The following RBMS2 variants were observed in gnomAD, a reference collection of about 807,000 sequenced individuals.
The protein encoded by RBMS2 is RNA-binding motif, single-stranded-interacting protein 2.
In RBMS2, 38 loss-of-function variants were observed where a neutral mutation model predicts 58.4. The observed-to-expected ratio is 0.65, with a 90% CI of 0.50 to 0.85. RBMS2 has a LOEUF of 0.85. Among genes scored for constraint, RBMS2 ranks in the 40% least tolerant of loss-of-function variants. RBMS2 has a pLI of 0.00. For missense variants in RBMS2, 367 were observed against 503.7 expected (o/e 0.73, Z 2.60); for synonymous variants, 151 against 180.7 (o/e 0.84, Z 1.32).
At chr12:56,523,099 A>G (rs1157157752) in intron 1 of RBMS2, among the ~76,000 whole-genome samples, 1 of 152,214 alleles carries the variant, frequency 6.6e-6, no homozygotes, top group Non-Finnish European at 1.5e-5. Flanking sequence ...TGATCAATGC[A>G]GTGGGTAAAT....
At chr12:56,574,680 GT>G (rs1250292163) in intron 5 of RBMS2, among the ~76,000 whole-genome samples, 1 of 152,052 alleles carries the variant, frequency 6.6e-6, no homozygotes, top group African/African-American at 2.4e-5. Flanking sequence ...TCTCTTATAT[GT>G]TTCTATGTTA....
In RBMS2 at chr12:56,589,988, T is replaced by G. The variant is rs924678326; in HGVS notation, c.*855T>G. The G allele has an allele frequency of 3.5e-4, 54 of 152,168 alleles. No homozygotes were observed. The highest frequency in any genetic ancestry group is 1.3e-3 in the African/African-American group (53 of 41,408). The allele number at this position is 152,168 out of a possible 1,614,324, so 9.4% of individuals were successfully genotyped here. On this transcript the variant is annotated 3_prime_UTR_variant, in exon 14 of 14. Coordinates refer to ENST00000262031, the MANE Select transcript of RBMS2 (RefSeq NM_002898.4). ...ACTTTGGCTTCAGAAAGCACAGATG[T>G]GACCCAGGCTTACTAAAGAGACAAC...
At chr12:56,532,542 C>CA (rs988357992) in intron 1 of RBMS2, among the ~76,000 whole-genome samples, 23 of 140,010 alleles carry the variant, frequency 1.6e-4, no homozygotes, top group South Asian at 9.1e-4. Flanking sequence ...AACTCTGTCT[C>CA]AAAAAAAAAA....
At chr12:56,568,687 G>A (rs1203314984) in intron 2 of RBMS2, among the ~76,000 whole-genome samples, 4 of 151,586 alleles carry the variant, frequency 2.6e-5, no homozygotes, top group African/African-American at 9.7e-5. Flanking sequence ...CTGGCGTGAC[G>A]CCCAGCTAAT....
At chr12:56,568,539 CTTT>C (rs1257717979) in intron 2 of RBMS2, among the ~76,000 whole-genome samples, 1 of 136,064 alleles carries the variant, frequency 7.3e-6, no homozygotes. Context: ...TCTTTTTTTT[CTTT>C]TTTTTTTTTT....
intron 1 of RBMS2, among the ~76,000 whole-genome samples, chr12:56,523,878 G>A (rs1337566373): frequency 1.3e-5 from 2 of 151,988 alleles, no homozygotes; most frequent in African/African-American, 2.4e-5. Flanking sequence ...TATATTATAC[G>A]TATATATTTG....
intron 5 of RBMS2, among the ~76,000 whole-genome samples, chr12:56,573,500 A>AAG (rs1882662368): frequency 4.8e-5 from 7 of 144,840 alleles, no homozygotes; most frequent in Non-Finnish European, 9.1e-5. Flanking sequence ...AAAAAAAAAA[A>AAG]AAGAAGAAGA....
At chr12:56,522,287 A>G (rs1256555634) in intron 1 of RBMS2, among the ~76,000 whole-genome samples, 198 bp downstream of exon 1, 4 of 151,968 alleles carry the variant, frequency 2.6e-5, no homozygotes, top group Non-Finnish European at 5.9e-5. Context: ...GGGAACTTTC[A>G]GTCTCTGCGA....
chr12:56,547,656 T>C (rs941764445), intron 1 of RBMS2, among the ~76,000 whole-genome samples: 1 of 150,792 alleles, frequency 6.6e-6, no homozygotes, highest in Non-Finnish European at 1.5e-5. Context: ...TCTTTTCTTT[T>C]TTTTTTTTTT....
Position 56,588,919 on chromosome 12 carries a change from G to A in RBMS2, c.1144-13G>A. The A allele has an allele frequency of 6.2e-7, 1 of 1,613,568 alleles. No homozygotes were observed. The highest frequency in any genetic ancestry group is 8.5e-7 in the Non-Finnish European group (1 of 1,179,532). ...AATGCGCAAGATGACCCCCCTCCTT[G>A]GCTATGGCACAGGAGAGCAGCGGCC... On this transcript the variant is annotated splice_polypyrimidine_tract_variant and intron_variant, in intron 12 of 13. Transcript: ENST00000262031.
At chr12:56,532,450 G>C (rs1290476732) in intron 1 of RBMS2, among the ~76,000 whole-genome samples, 10 of 151,676 alleles carry the variant, frequency 6.6e-5, no homozygotes, top group Non-Finnish European at 1.5e-4. Flanking sequence ...GCTGAGGCAG[G>C]AGAATTGCTT....
chr12:56,525,818 C>T (rs1251623878), intron 1 of RBMS2, among the ~76,000 whole-genome samples: 3 of 151,756 alleles, frequency 2.0e-5, no homozygotes, highest in African/African-American at 7.3e-5. Flanking sequence ...CCCACCACCA[C>T]GCCTGGCTAA....
chr12:56,536,592 G>A (rs1874904478), intron 1 of RBMS2, among the ~76,000 whole-genome samples: 1 of 148,738 alleles, frequency 6.7e-6, no homozygotes. Context: ...GTTTGAGATG[G>A]AGTCTCACTC....
chr12:56,547,740 C>T (rs1298006085), intron 1 of RBMS2, among the ~76,000 whole-genome samples: 1 of 151,528 alleles, frequency 6.6e-6, no homozygotes, highest in Non-Finnish European at 1.5e-5. Flanking sequence ...CCTCTGCCTC[C>T]CAGGTTCAAG....
chr12:56,565,710 G>A (rs1239762394), intron 2 of RBMS2, among the ~76,000 whole-genome samples: 2 of 152,154 alleles, frequency 1.3e-5, no homozygotes, highest in Non-Finnish European at 2.9e-5. Flanking sequence ...GCCTTTCTAG[G>A]AAGGATGTTT....
intron 1 of RBMS2, among the ~76,000 whole-genome samples, chr12:56,560,733 G>T (rs1481705469): frequency 6.6e-6 from 1 of 152,080 alleles, no homozygotes; most frequent in Non-Finnish European, 1.5e-5. Flanking sequence ...TAATTAAATG[G>T]AAATTTCAAA....
chr12:56,524,422 C>A (rs1592304698), intron 1 of RBMS2, among the ~76,000 whole-genome samples: 2 of 145,200 alleles, frequency 1.4e-5, no homozygotes, highest in African/African-American at 5.0e-5. Context: ...TTTATTTTTA[C>A]TTTTTTTTTT....
chr12:56,530,463 C>T (rs1277976893), intron 1 of RBMS2, among the ~76,000 whole-genome samples: 1 of 145,744 alleles, frequency 6.9e-6, no homozygotes, highest in East Asian at 2.0e-4. Context: ...TGGGCTCAAG[C>T]GATTCTCCTA....
upstream of RBMS2, among the ~76,000 whole-genome samples, chr12:56,521,330 T>C (rs993563370): frequency 8.7e-5 from 13 of 149,888 alleles, no homozygotes; most frequent in African/African-American, 2.7e-4. Flanking sequence ...CTCGAGAGGC[T>C]GAGGCAGGAG....
Sources: allele counts gnomAD v4.1 joint callset (sites outside exome capture counted in the v4.1 genomes callset), GRCh38; gene constraint gnomAD v4.1.1; transcripts MANE v1.5; gene names NCBI Gene and HGNC (gene_info 2026-07-23, HGNC 2026-07-21).